The following METTL8 variants were observed in gnomAD, a reference collection of about 807,000 sequenced individuals.
METTL8 encodes the protein tRNA N(3)-cytidine methyltransferase METTL8, mitochondrial.
METTL8 carries 32 observed loss-of-function variants against 48.7 expected under a neutral mutation model. The observed-to-expected ratio is 0.66, with a 90% CI of 0.50 to 0.88. The LOEUF (loss-of-function observed/expected upper bound fraction) is 0.88, where lower values mean the gene tolerates loss of function less well. Ranked by LOEUF, METTL8 falls within the 40% of genes least tolerant of loss-of-function variation. METTL8 has a pLI of 0.00. For synonymous variants in METTL8, 136 were observed against 157.1 expected (o/e 0.87, Z 1.01); for missense variants, 464 against 474.4 (o/e 0.98, Z 0.20).
intron 3 of METTL8, among the ~76,000 whole-genome samples, chr2:171,344,070 G>A (rs955517239): frequency 1.3e-5 from 2 of 152,024 alleles, no homozygotes; most frequent in African/African-American, 2.4e-5. Flanking sequence ...TCAGGAATTA[G>A]GAGAAAAGAA....
intron 1 of METTL8, among the ~76,000 whole-genome samples, chr2:171,417,808 T>C (rs1691464878): frequency 1.3e-5 from 2 of 152,240 alleles, no homozygotes; most frequent in African/African-American, 2.4e-5. Flanking sequence ...TACATTATTA[T>C]GGTATATTTA....
intron 2 of METTL8, among the ~76,000 whole-genome samples, chr2:171,372,950 G>A (rs530376183): frequency 6.6e-6 from 1 of 152,304 alleles, no homozygotes; most frequent in African/African-American, 2.4e-5. Context: ...ACATACGTGT[G>A]CATGTGTCTT....
rs1183648096 is a variant in METTL8, at chr2:171,318,863, CAG to C, written c.*5307_*5308del. The C allele has an allele frequency of 6.6e-6, 1 of 151,922 alleles. No homozygotes were observed. Among genetic ancestry groups the C allele is most frequent in the East Asian group, 1.9e-4 (1 of 5,182 alleles). 9.4% of individuals were successfully genotyped at this position (151,922 alleles called of 1,614,324 possible). A position where few individuals can be genotyped will look rare whatever the true frequency, so the allele number is the denominator to read the frequency against. On this transcript the variant is annotated 3_prime_UTR_variant, in exon 10 of 10. Coordinates refer to ENST00000375258, the MANE Select transcript of METTL8 (RefSeq NM_001321154.2). ...GAGCAGCAAGTAGAGGTTTTGGAAT[CAG>C]AGAGTTCTGGGTCCGAGTTGTGACT...
chr2:171,382,837 C>T lies in METTL8; in HGVS notation c.143+9206G>A, dbSNP rs570002659. On this transcript the variant is annotated intron_variant, in intron 2 of 9. Transcript: ENST00000375258. Reference sequence around the variant, plus strand: ...CCTGTAATCCCAGCACCTTGGGAGGCTGAGGTGGGTGGATCACCCGAGGTC... The same window carrying T: ...CCTGTAATCCCAGCACCTTGGGAGGTTGAGGTGGGTGGATCACCCGAGGTC... Among the ~76,000 whole-genome samples, 11 of 152,256 alleles carry T rather than the reference C, an allele frequency of 7.2e-5. No individual in the cohort carries two copies. The East Asian group carries it at 1.2e-3, about 16-fold the overall frequency.
intron 1 of METTL8, chr2:171,414,750 T>C (rs1311561369): frequency 6.6e-6 from 1 of 151,648 alleles, no homozygotes; most frequent in African/African-American, 2.4e-5. Context: ...AAAAGGTTAC[T>C]AAAACCCTAA....
At chr2:171,366,948 G>T (rs554295959) in intron 2 of METTL8, among the ~76,000 whole-genome samples, 1 of 151,666 alleles carries the variant, frequency 6.6e-6, no homozygotes, top group South Asian at 2.1e-4. Context: ...GAGAGAATGG[G>T]TCAGTAAACT....
Position 171,324,073 on chromosome 2 carries a change from C to T in METTL8, c.*99G>A, listed in dbSNP as rs969886570. 1 of 988,054 alleles carries T rather than the reference C, an allele frequency of 1.0e-6. No homozygotes were observed. The highest frequency in any genetic ancestry group is 1.7e-5 in the African/African-American group (1 of 60,536). 61.2% of individuals were successfully genotyped at this position (988,054 alleles called of 1,614,324 possible). A position where few individuals can be genotyped will look rare whatever the true frequency, so the allele number is the denominator to read the frequency against. ...GACAAAACGGCAGGAAATACAAATT[C>T]TCTTCTTTTTTTCTCATTGTCTTTT... On this transcript the variant is annotated 3_prime_UTR_variant, in exon 10 of 10. Transcript: ENST00000375258.
intron 3 of METTL8, among the ~76,000 whole-genome samples, chr2:171,347,859 CA>C (rs1189447579): frequency 6.6e-6 from 1 of 152,230 alleles, no homozygotes; most frequent in Non-Finnish European, 1.5e-5. Context: ...ATATTCCCCT[CA>C]AAGACTTCGT....
At chr2:171,388,589 G>A (rs922207302) in intron 2 of METTL8, among the ~76,000 whole-genome samples, 2 of 152,178 alleles carry the variant, frequency 1.3e-5, no homozygotes, top group African/African-American at 4.8e-5. Context: ...CAATATTTGT[G>A]TGTCAGGCAT....
intron 2 of METTL8, among the ~76,000 whole-genome samples, chr2:171,362,542 G>A (rs545191639): frequency 3.9e-4 from 59 of 150,074 alleles, no homozygotes; most frequent in African/African-American, 1.4e-3. Flanking sequence ...TTGAAGGTAC[G>A]AAACTGTTTT....
At chr2:171,335,162 A>G (rs1685953704) in intron 5 of METTL8, among the ~76,000 whole-genome samples, 1 of 152,162 alleles carries the variant, frequency 6.6e-6, no homozygotes, top group African/African-American at 2.4e-5. Context: ...ACAAACAGAA[A>G]GGACATTCAG....
intron 2 of METTL8, among the ~76,000 whole-genome samples, chr2:171,388,395 C>T (rs1433061895): frequency 6.6e-6 from 1 of 152,234 alleles, no homozygotes; most frequent in Non-Finnish European, 1.5e-5. Context: ...ACCTACCCCC[C>T]ATCTGGCCTA....
At chr2:171,334,968 T>C (rs958724469) in intron 5 of METTL8, among the ~76,000 whole-genome samples, 2 of 152,170 alleles carry the variant, frequency 1.3e-5, no homozygotes, top group African/African-American at 2.4e-5. Flanking sequence ...CATAAATAAA[T>C]GACATGCTAA....
intron 2 of METTL8, among the ~76,000 whole-genome samples, chr2:171,366,129 A>C (rs1685692236): frequency 6.6e-6 from 1 of 152,194 alleles, no homozygotes. Flanking sequence ...GAGTCGCCAC[A>C]GGATCTAGTA....
intron 2 of METTL8, among the ~76,000 whole-genome samples, chr2:171,391,003 T>C (rs998517173): frequency 6.6e-6 from 1 of 152,178 alleles, no homozygotes; most frequent in Admixed American, 6.5e-5. Context: ...TCAAACAGCA[T>C]CACATGCTAC....
chr2:171,324,612 T>C (rs943482106), intron 9 of METTL8, among the ~76,000 whole-genome samples: 3 of 152,230 alleles, frequency 2.0e-5, no homozygotes, highest in South Asian at 2.1e-4. Context: ...TATAAAACTA[T>C]TGGTTGCAGC....
At chr2:171,363,680 T>C (rs1194975463) in intron 2 of METTL8, among the ~76,000 whole-genome samples, 1 of 150,428 alleles carries the variant, frequency 6.6e-6, no homozygotes, top group African/African-American at 2.4e-5. Flanking sequence ...ATGAAAAAAT[T>C]ATAGTAAATC....
At chr2:171,340,085 C>T (rs1358778634) in intron 3 of METTL8, among the ~76,000 whole-genome samples, 3 of 151,676 alleles carry the variant, frequency 2.0e-5, no homozygotes, top group Admixed American at 6.6e-5. Context: ...GTAATTCCAG[C>T]TACTCAGGAG....
chr2:171,340,940 AT>A (rs906900234), intron 3 of METTL8, among the ~76,000 whole-genome samples: 33 of 152,222 alleles, frequency 2.2e-4, no homozygotes, highest in African/African-American at 7.7e-4. Context: ...ACAAATATGC[AT>A]TTTATGATGT....
Sources: allele counts gnomAD v4.1 joint callset (sites outside exome capture counted in the v4.1 genomes callset), GRCh38; gene constraint gnomAD v4.1.1; transcripts MANE v1.5; gene names NCBI Gene and HGNC (gene_info 2026-07-23, HGNC 2026-07-21).